USP36: variants seen among roughly 807,000 people sequenced by gnomAD.
USP36 encodes the protein ubiquitin specific peptidase 36.
A neutral mutation model predicts 111.5 loss-of-function variants in USP36; 59 were observed. The ratio of observed to expected loss-of-function variants is 0.53; its 90% CI spans 0.43 to 0.66. The LOEUF is 0.66. Ranked by LOEUF, USP36 falls within the 30% of genes least tolerant of loss-of-function variation. The pLI, the probability that USP36 is intolerant of heterozygous loss-of-function variation, is 0.00. For synonymous variants in USP36, 628 were observed against 581.0 expected, an observed-to-expected ratio of 1.08 and a Z score of -1.16; for missense variants, 1,488 against 1,468.0, an observed-to-expected ratio of 1.01 and a Z score of -0.22.
At chr17:78,834,240 CAA>C (rs1195033926) in intron 4 of USP36, among the ~76,000 whole-genome samples, 11 of 126,074 alleles carry the variant, frequency 8.7e-5, no homozygotes, top group Admixed American at 3.3e-4. Flanking sequence ...GAGTCCGTCT[CAA>C]AAAAAAAAAA....
intron 10 of USP36, among the ~76,000 whole-genome samples, chr17:78,816,561 T>C (rs1009101077): frequency 6.6e-6 from 1 of 151,768 alleles, no homozygotes; most frequent in Admixed American, 6.6e-5. Context: ...GGGAGGCAGA[T>C]ATTGCAGTGA....
intron 14 of USP36, 90 bp from the exon 15 acceptor site, chr17:78,806,376 TA>T: frequency 6.5e-7 from 1 of 1,544,198 alleles, no homozygotes; most frequent in Non-Finnish European, 8.7e-7. Flanking sequence ...AAAATGAAAA[TA>T]AAAACAAAAG....
At chr17:78,827,643 C>T (rs2067688831) in intron 5 of USP36, among the ~76,000 whole-genome samples, 1 of 152,172 alleles carries the variant, frequency 6.6e-6, no homozygotes. Flanking sequence ...TGGCTCACAC[C>T]TGTCACTCTA....
intron 10 of USP36, among the ~76,000 whole-genome samples, chr17:78,815,865 A>G (rs567313524): frequency 3.3e-5 from 5 of 152,284 alleles, no homozygotes; most frequent in East Asian, 3.9e-4. Flanking sequence ...ATGCATACAC[A>G]TGTACGCATA....
At chr17:78,838,380 A>AAAAAAAC (rs1379613918) in intron 2 of USP36, among the ~76,000 whole-genome samples, 2 of 151,270 alleles carry the variant, frequency 1.3e-5, no homozygotes, top group African/African-American at 4.9e-5. Flanking sequence ...TCAAAAAAAA[A>AAAAAAAC]AAAAAACAAA....
At chr17:78,809,658 G>T (rs945035527) in intron 13 of USP36, among the ~76,000 whole-genome samples, 18 of 152,098 alleles carry the variant, frequency 1.2e-4, no homozygotes, top group African/African-American at 4.1e-4. Context: ...TTGAGACAGG[G>T]TCTCATTCTG....
chr17:78,839,205 A>T (rs1291969210), intron 1 of USP36, among the ~76,000 whole-genome samples: 1 of 152,206 alleles, frequency 6.6e-6, no homozygotes, highest in Non-Finnish European at 1.5e-5. Context: ...CATAAAATTA[A>T]GGTTCGTAAA....
Position 78,839,839 on chromosome 17 carries a change from T to C in USP36, c.-174+897A>G, listed in dbSNP as rs527526317. Among the ~76,000 whole-genome samples, 179 of 152,244 alleles carry C rather than the reference T, an allele frequency of 1.2e-3. 6 individuals carry two copies. In the South Asian group the frequency reaches 0.036, roughly 31 times the overall value. On this transcript the variant is annotated intron_variant, in intron 1 of 20. Transcript: ENST00000449938. ...ACACACCATCCACACTCTACCCAACTCAGGAAGGATGCTCTCTCTTGTCCA... is the reference window on the plus strand; with the variant it reads ...ACACACCATCCACACTCTACCCAACCCAGGAAGGATGCTCTCTCTTGTCCA...
intron 13 of USP36, among the ~76,000 whole-genome samples, chr17:78,809,675 A>G (rs927677040): frequency 1.3e-5 from 2 of 152,086 alleles, no homozygotes; most frequent in Non-Finnish European, 2.9e-5. Context: ...TCTGTTGTCC[A>G]GGCTGGAGCG....
rs118136968 is a variant in USP36, at chr17:78,788,712, T to A, written c.*21-1054A>T. Reference sequence around the variant, plus strand: ...TGTGGAGGGACTCGGGTCCATGGGGTAGGTATTGCTGAGGCCATCAGAACA... The same window carrying A: ...TGTGGAGGGACTCGGGTCCATGGGGAAGGTATTGCTGAGGCCATCAGAACA... On this transcript the variant is annotated intron_variant, in intron 3 of 3. Transcript: ENST00000588130. Among the ~76,000 whole-genome samples, 915 of 151,886 alleles carry A rather than the reference T, an allele frequency of 6.0e-3. 37 individuals carry two copies. In the East Asian group the frequency reaches 0.11, roughly 19 times the overall value.
intron 14 of USP36, 76 bp downstream of exon 14, chr17:78,806,883 C>A: frequency 6.4e-7 from 1 of 1,550,470 alleles, no homozygotes; most frequent in Non-Finnish European, 8.7e-7. Flanking sequence ...AATGTTCTCA[C>A]TCCCTTCAAA....
intron 2 of USP36, among the ~76,000 whole-genome samples, chr17:78,836,850 A>C (rs1349964101): frequency 1.3e-5 from 2 of 151,998 alleles, no homozygotes; most frequent in African/African-American, 2.4e-5. Flanking sequence ...CCCACGCAAT[A>C]AATGAATTAG....
In USP36 at chr17:78,835,440, G is replaced by C. The variant is rs1173652019; in HGVS notation, c.315C>G (p.Phe105Leu). ...DGVPAPQKVL[F>L]PTERLSLRWE... ...ACCTCAGAGACAGTCGCTCCGTGGGGAAAAGCACTTTCTGCGGGGCTGGGA... is the reference window on the plus strand; with the variant it reads ...ACCTCAGAGACAGTCGCTCCGTGGGCAAAAGCACTTTCTGCGGGGCTGGGA... The change falls in exon 4 of 21, where the codon TTC becomes TTG. Residue 105 changes from phenylalanine (F) to leucine (L), a missense_variant. By Grantham distance (22) the Phe-to-Leu change is conservative (BLOSUM62 0). Transcript: ENST00000449938. The C allele has an allele frequency of 6.2e-7, 1 of 1,614,110 alleles. No individual in the cohort carries two copies.
At chr17:78,825,038 C>G (rs553738831) in intron 6 of USP36, among the ~76,000 whole-genome samples, 1 of 152,140 alleles carries the variant, frequency 6.6e-6, no homozygotes, top group Non-Finnish European at 1.5e-5. Flanking sequence ...GAGACAGGCA[C>G]CCACCAGAAT....
chr17:78,825,199 G>C (rs1228571931), intron 6 of USP36, among the ~76,000 whole-genome samples: 2 of 152,190 alleles, frequency 1.3e-5, no homozygotes, highest in African/African-American at 4.8e-5. Flanking sequence ...CCACCGCCAA[G>C]CATGCAGGAA....
At chr17:78,787,677 G>C (rs2093546984) in intron 3 of USP36, 4 of 152,190 alleles carry the variant, frequency 2.6e-5, no homozygotes, top group Admixed American at 2.6e-4. Context: ...TAGAGATTGG[G>C]AGCCACATTT....
intron 4 of USP36, among the ~76,000 whole-genome samples, chr17:78,830,272 G>A (rs572200254): frequency 2.6e-5 from 4 of 152,248 alleles, no homozygotes; most frequent in African/African-American, 9.6e-5. Context: ...TCTATAAATC[G>A]TATCATGCAG....
Position 78,798,378 on chromosome 17 carries a change from C to A in USP36, c.*20+22G>T. 3 of 1,612,564 alleles carry A rather than the reference C, an allele frequency of 1.9e-6. No individual in the cohort carries two copies. Among genetic ancestry groups the A allele is most frequent in the Non-Finnish European group, 2.5e-6 (3 of 1,179,788 alleles). ...CACACACACCCCCACCTCACCCTTA[C>A]ACCCACCCCCTCGGAACCGACCTCC... On this transcript the variant is annotated intron_variant, in intron 20 of 20. Transcript: ENST00000449938. The surrounding 1 kb of genome is among the most constrained non-coding windows in gnomAD (Gnocchi z 5.1).
At position 78,812,819 on chromosome 17, in the gene USP36, C is replaced by T. The variant is rs550184546; in HGVS notation, c.1407+41G>A. On this transcript the variant is annotated intron_variant, in intron 13 of 20. Coordinates refer to ENST00000449938, the MANE Select transcript of USP36 (RefSeq NM_001385174.1). ...AGTGTGAGGAGGTCTGTGAGGAGCA[C>T]CAAGACCAGCCACTTTGGCCTCCAT... 6.2e-6 allele frequency: 10 copies of T among 1,609,090 alleles called. No homozygotes were observed. The African/African-American group carries it at 6.7e-5, about 11-fold the overall frequency.
Sources: gnomAD v4.1 joint callset for allele counts (sites outside exome capture counted in the v4.1 genomes callset) on GRCh38, gnomAD v4.1.1 for gene constraint, Gnocchi (gnomAD v3.1) non-coding constraint, MANE v1.5 for transcripts, NCBI Gene and HGNC (gene_info 2026-07-23, HGNC 2026-07-21) for gene names.